SLC12A8: variants seen among roughly 807,000 people sequenced by gnomAD.
SLC12A8 encodes cation-chloride cotransporter 9.
A neutral mutation model predicts 75.6 loss-of-function variants in SLC12A8; 69 were observed. That is an observed-to-expected ratio of 0.91 (90% CI 0.75 to 1.11). The LOEUF is 1.11. Ranked by LOEUF, SLC12A8 falls within the 50% of genes most tolerant of loss-of-function variation. SLC12A8 has a pLI of 0.00. For synonymous variants in SLC12A8, 365 were observed against 372.8 expected (o/e 0.98, Z 0.24); for missense variants, 877 against 896.7 (o/e 0.98, Z 0.28).
intron 12 of SLC12A8, among the ~76,000 whole-genome samples, chr3:125,090,557 T>C (rs964018035): frequency 2.0e-5 from 3 of 152,240 alleles, no homozygotes; most frequent in Non-Finnish European, 4.4e-5. Context: ...TATTTCTTCC[T>C]GTAGTTCTAT....
intron 2 of SLC12A8, among the ~76,000 whole-genome samples, chr3:125,202,855 A>C (rs890821859): frequency 4.6e-5 from 7 of 152,064 alleles, no homozygotes; most frequent in Non-Finnish European, 8.8e-5. Context: ...TGGGAGGCCA[A>C]GGCGGGCGGA....
chr3:125,119,979 C>T (rs755328482), intron 7 of SLC12A8: 1 of 447,220 alleles, frequency 2.2e-6, no homozygotes, highest in Non-Finnish European at 4.5e-6. Flanking sequence ...ACAGTGTGAA[C>T]TAAAACCCCA....
At chr3:125,188,880 G>A (rs769467448) in intron 3 of SLC12A8, among the ~76,000 whole-genome samples, 1 of 152,244 alleles carries the variant, frequency 6.6e-6, no homozygotes, top group Non-Finnish European at 1.5e-5. Context: ...TGAGTGTGGT[G>A]TAGAATGAGA....
At chr3:125,105,960 G>A (rs1433804670) in intron 10 of SLC12A8, among the ~76,000 whole-genome samples, 1 of 152,168 alleles carries the variant, frequency 6.6e-6, no homozygotes, top group East Asian at 1.9e-4. Flanking sequence ...AACCCGGGAG[G>A]TGGAGGTTGC....
chr3:125,193,712 C>T, intron 2 of SLC12A8, among the ~76,000 whole-genome samples: 1 of 152,210 alleles, frequency 6.6e-6, no homozygotes, highest in East Asian at 1.9e-4. Context: ...AATTCCTTCC[C>T]CTGAGGCAGA....
chr3:125,112,111 T>A (rs1939202776), intron 8 of SLC12A8, among the ~76,000 whole-genome samples: 1 of 152,186 alleles, frequency 6.6e-6, no homozygotes, highest in South Asian at 2.1e-4. Context: ...TTACACACAA[T>A]GGGGGTACTC....
At chr3:125,181,574 GTCCGGCCTGGGCGACAGAGCGAGAC>G (rs1309478961) in intron 4 of SLC12A8, among the ~76,000 whole-genome samples, 5 of 130,934 alleles carry the variant, frequency 3.8e-5, no homozygotes, top group Non-Finnish European at 7.9e-5. Flanking sequence ...GCAGTCCGCA[GTCCGGCCTGGGCGACAGAGCGAGAC>G]TCCGTCTCAA....
At chr3:125,193,049 G>A (rs1389182255) in intron 2 of SLC12A8, among the ~76,000 whole-genome samples, 4 of 152,188 alleles carry the variant, frequency 2.6e-5, no homozygotes, top group East Asian at 1.9e-4. Context: ...CAGATGCCAC[G>A]CTGCCTCCCA....
intron 5 of SLC12A8, among the ~76,000 whole-genome samples, chr3:125,138,777 G>A (rs992290604): frequency 2.6e-5 from 4 of 151,888 alleles, no homozygotes; most frequent in African/African-American, 4.8e-5. Context: ...GGAGGCTGAG[G>A]TGGGAGGATT....
At chr3:125,132,319 G>A (rs1043524744) in intron 6 of SLC12A8, among the ~76,000 whole-genome samples, 14 of 152,202 alleles carry the variant, frequency 9.2e-5, no homozygotes, top group Non-Finnish European at 2.1e-4. Context: ...ACCAGGATTC[G>A]ACCTGCCACT....
chr3:125,132,158 G>C (rs1933375735), intron 6 of SLC12A8, among the ~76,000 whole-genome samples: 1 of 152,224 alleles, frequency 6.6e-6, no homozygotes, highest in Admixed American at 6.5e-5. Context: ...AGCTGGTGCA[G>C]AGCATGGCAG....
At chr3:125,179,570 A>G (rs1934608051) in intron 4 of SLC12A8, among the ~76,000 whole-genome samples, 1 of 152,188 alleles carries the variant, frequency 6.6e-6, no homozygotes, top group South Asian at 2.1e-4. Context: ...CTAGGCACAT[A>G]TCATGTTTGT....
At chr3:125,199,745 CA>C (rs113768805) in intron 2 of SLC12A8, among the ~76,000 whole-genome samples, 2 of 147,038 alleles carry the variant, frequency 1.4e-5, no homozygotes, top group African/African-American at 2.5e-5. Flanking sequence ...GACCTGGTCT[CA>C]AAAAAAAATA....
At chr3:125,124,234 G>A (rs751915404) in intron 6 of SLC12A8, among the ~76,000 whole-genome samples, 1 of 152,172 alleles carries the variant, frequency 6.6e-6, no homozygotes, top group Non-Finnish European at 1.5e-5. Flanking sequence ...CAGGCAACTC[G>A]GACTGCAGAC....
chr3:125,168,223 GTTCTT>G (rs149209343), intron 5 of SLC12A8, among the ~76,000 whole-genome samples: 1,856 of 152,320 alleles, frequency 0.012, 50 homozygotes, highest in African/African-American at 0.041. Context: ...AGAAATAAAA[GTTCTT>G]TTCCAAGTTT....
At chr3:125,159,189 T>C (rs1309784489) in intron 5 of SLC12A8, among the ~76,000 whole-genome samples, 1 of 152,218 alleles carries the variant, frequency 6.6e-6, no homozygotes, top group Non-Finnish European at 1.5e-5. Context: ...AATACCAGAC[T>C]TATCAGTTAA....
At chr3:125,099,956 T>C (rs894435126) in intron 10 of SLC12A8, among the ~76,000 whole-genome samples, 9 of 151,858 alleles carry the variant, frequency 5.9e-5, no homozygotes, top group Admixed American at 2.6e-4. Flanking sequence ...AAATATAAAC[T>C]ATAAAAAAGA....
intron 3 of SLC12A8, among the ~76,000 whole-genome samples, chr3:125,188,426 T>C (rs1389820054): frequency 6.6e-6 from 1 of 152,238 alleles, no homozygotes; most frequent in Non-Finnish European, 1.5e-5. Flanking sequence ...AGCAGGATCA[T>C]GTTTTCTTCC....
intron 12 of SLC12A8, among the ~76,000 whole-genome samples, chr3:125,089,607 C>A (rs192912123): frequency 6.6e-6 from 1 of 150,642 alleles, no homozygotes; most frequent in Admixed American, 6.6e-5. Flanking sequence ...TTAATACACA[C>A]GACTTAAAAT....
Sources: allele counts gnomAD v4.1 joint callset (sites outside exome capture counted in the v4.1 genomes callset), GRCh38; gene constraint gnomAD v4.1.1; transcripts MANE v1.5; gene names NCBI Gene and HGNC (gene_info 2026-07-23, HGNC 2026-07-21).